The following TNNI3K variants were observed in gnomAD, a reference collection of about 807,000 sequenced individuals.
The protein encoded by TNNI3K is serine/threonine-protein kinase TNNI3K.
A neutral mutation model predicts 114.5 loss-of-function variants in TNNI3K; 140 were observed. The observed-to-expected ratio is 1.22, with a 90% CI of 1.07 to 1.41. The LOEUF is 1.41. Ranked by LOEUF, TNNI3K falls within the 40% of genes most tolerant of loss-of-function variation. The pLI, the probability that TNNI3K is intolerant of heterozygous loss-of-function variation, is 0.00. For missense variants in TNNI3K, 1,125 were observed against 1,007.6 expected, an observed-to-expected ratio of 1.12 and a Z score of -1.58; for synonymous variants, 347 against 347.5, an observed-to-expected ratio of 1.00 and a Z score of 0.02.
intron 23 of TNNI3K, among the ~76,000 whole-genome samples, chr1:74,500,862 T>C (rs907945655): frequency 2.6e-5 from 4 of 152,004 alleles, no homozygotes; most frequent in Non-Finnish European, 4.4e-5. Flanking sequence ...TTTCTTTTGT[T>C]TTTAATCTGC....
At chr1:74,479,097 C>A (rs1668349543) in intron 21 of TNNI3K, among the ~76,000 whole-genome samples, 1 of 152,076 alleles carries the variant, frequency 6.6e-6, no homozygotes, top group Non-Finnish European at 1.5e-5. Flanking sequence ...TGATTTATAG[C>A]ACATATTTAA....
chr1:74,506,102 T>C (rs1400615923), intron 23 of TNNI3K, among the ~76,000 whole-genome samples: 1 of 152,114 alleles, frequency 6.6e-6, no homozygotes. Context: ...GGGGATATGA[T>C]GTAGATAATA....
At chr1:74,271,888 T>C (rs913966044) in intron 5 of TNNI3K, among the ~76,000 whole-genome samples, 180 bp downstream of exon 5, 48 of 151,960 alleles carry the variant, frequency 3.2e-4, no homozygotes, top group African/African-American at 1.1e-3. Flanking sequence ...TTCAGTCAAT[T>C]TTCTAACAGT....
intron 23 of TNNI3K, among the ~76,000 whole-genome samples, chr1:74,528,806 T>G (rs1646541771): frequency 6.6e-6 from 1 of 152,224 alleles, no homozygotes; most frequent in Admixed American, 6.5e-5. Flanking sequence ...GGAACACACC[T>G]GGCACCTTGA....
chr1:74,260,802 G>T (rs999004113), intron 4 of TNNI3K, among the ~76,000 whole-genome samples: 2 of 151,924 alleles, frequency 1.3e-5, no homozygotes, highest in Admixed American at 1.3e-4. Flanking sequence ...TAGATCAATG[G>T]ACTACAAACA....
intron 17 of TNNI3K, among the ~76,000 whole-genome samples, chr1:74,412,842 G>T (rs1023870867): frequency 6.6e-6 from 1 of 152,144 alleles, no homozygotes; most frequent in Non-Finnish European, 1.5e-5. Flanking sequence ...TCGAACTCCT[G>T]ACCTCAAGTG....
At chr1:74,312,726 T>C (rs1002443618) in intron 5 of TNNI3K, among the ~76,000 whole-genome samples, 5 of 152,346 alleles carry the variant, frequency 3.3e-5, no homozygotes, top group African/African-American at 1.2e-4. Flanking sequence ...ATCATCACCT[T>C]GCTGGGATGG....
chr1:74,333,361 A>G (rs489990), intron 6 of TNNI3K, among the ~76,000 whole-genome samples: 12,417 of 152,294 alleles, frequency 0.082, 767 homozygotes, highest in African/African-American at 0.17. Context: ...TACAGGCCCA[A>G]AAGCACAAGT....
Position 74,439,617 on chromosome 1 carries a change from A to G in TNNI3K, c.2006A>G (p.Lys669Arg), listed in dbSNP as rs773241320. 2.5e-6 allele frequency: 4 copies of G among 1,613,282 alleles called. No individual in the cohort carries two copies. The highest frequency in any genetic ancestry group is 2.5e-6 in the Non-Finnish European group (3 of 1,179,528). Residue 669 changes from lysine (K) to arginine (R), a missense_variant, in exon 20 of 25, where the codon AAG becomes AGG. Transcript: ENST00000326637. The part of the protein sequence containing the change: ...LTGEIPFAHL[K>R]PAAAAADMAY... ...GGCGAAATTCCATTCGCTCATCTCA[A>G]GCCAGGTAAGACACACTGCAATTGA...
chr1:74,369,713 T>A, intron 16 of TNNI3K, 128 bp downstream of exon 16: 1 of 1,069,614 alleles, frequency 9.3e-7, no homozygotes, highest in South Asian at 3.0e-5. Context: ...AAGTGTGTCA[T>A]TTTTAATATC....
At chr1:74,393,407 T>C (rs1419040791) in intron 17 of TNNI3K, among the ~76,000 whole-genome samples, 3 of 152,176 alleles carry the variant, frequency 2.0e-5, no homozygotes, top group Non-Finnish European at 4.4e-5. Context: ...CTGGAACATC[T>C]ATCAAAAGAA....
chr1:74,503,061 TC>T, intron 23 of TNNI3K, among the ~76,000 whole-genome samples: 1 of 152,200 alleles, frequency 6.6e-6, no homozygotes. Flanking sequence ...ATTAGGCTCT[TC>T]TTTTCACTTC....
At chr1:74,424,660 A>C (rs1665546665) in intron 17 of TNNI3K, among the ~76,000 whole-genome samples, 1 of 149,832 alleles carries the variant, frequency 6.7e-6, no homozygotes, top group Non-Finnish European at 1.5e-5. Context: ...CGGAGGCTGC[A>C]ATGAGTTGAG....
intron 20 of TNNI3K, 142 bp from the exon 21 acceptor site, chr1:74,463,299 G>T: frequency 6.3e-6 from 5 of 792,750 alleles, no homozygotes; most frequent in Non-Finnish European, 8.3e-6. Context: ...ACCATTGGGG[G>T]AAAAAAGCCT....
rs1423965649 is a variant in TNNI3K at position 74,378,618 on chromosome 1, ATATATAT to A, written c.1772+8227_1772+8233del. 18 of 85,394 alleles carry A rather than the reference ATATATAT, an allele frequency of 2.1e-4. 1 individual carries two copies. The highest frequency in any genetic ancestry group is 8.6e-4 in the African/African-American group (18 of 20,986). The allele number at this position is 85,394 out of a possible 1,614,324, so 5.3% of individuals were successfully genotyped here. A position where few individuals can be genotyped will look rare whatever the true frequency, so the allele number is the denominator to read the frequency against. ...TTTATATATATATATATATATATAT[ATATATAT>A]ATATATATATATATATTTCATTTCA... is the stretch of plus-strand genomic sequence containing the variant. On this transcript the variant is annotated intron_variant, in intron 17 of 24. Coordinates refer to ENST00000326637, the MANE Select transcript of TNNI3K (RefSeq NM_015978.3).
intron 17 of TNNI3K, among the ~76,000 whole-genome samples, chr1:74,425,680 A>C (rs994216424): frequency 6.6e-6 from 1 of 152,230 alleles, no homozygotes; most frequent in African/African-American, 2.4e-5. Context: ...ATACTATGAA[A>C]GCCGGGATGA....
intron 20 of TNNI3K, among the ~76,000 whole-genome samples, chr1:74,455,346 G>A (rs1483758124): frequency 6.6e-6 from 1 of 152,128 alleles, no homozygotes; most frequent in African/African-American, 2.4e-5. Context: ...AGGTCCAGAG[G>A]CCTGAGAAAT....
At chr1:74,297,708 A>C (rs916354287) in intron 5 of TNNI3K, among the ~76,000 whole-genome samples, 1 of 152,092 alleles carries the variant, frequency 6.6e-6, no homozygotes, top group South Asian at 2.1e-4. Context: ...GTTTTCTCAT[A>C]GCATGTCAGG....
rs1356965287 is a variant in TNNI3K at position 74,480,111 on chromosome 1, A to G, written c.2122-9078A>G. On this transcript the variant is annotated intron_variant, in intron 21 of 24. Coordinates refer to ENST00000326637, the MANE Select transcript of TNNI3K (RefSeq NM_015978.3). ...CTTAGCATGCTGCAAAAATATGGACAAGAGAAGAGAAAAGAGGAGGGCACA... is the reference window on the plus strand; with the variant it reads ...CTTAGCATGCTGCAAAAATATGGACGAGAGAAGAGAAAAGAGGAGGGCACA... 4 of 678,882 alleles carry G rather than the reference A, an allele frequency of 5.9e-6. No individual in the cohort carries two copies. The Admixed American group carries it at 6.7e-5, about 11-fold the overall frequency. The allele number at this position is 678,882 out of a possible 1,614,324, so 42.1% of individuals were successfully genotyped here.
Sources: gnomAD v4.1 joint callset for allele counts (sites outside exome capture counted in the v4.1 genomes callset) on GRCh38, gnomAD v4.1.1 for gene constraint, MANE v1.5 for transcripts, NCBI Gene and HGNC (gene_info 2026-07-23, HGNC 2026-07-21) for gene names.